Variants in CASK observed in about 807,000 individuals in gnomAD.
The protein encoded by CASK is calcium/calmodulin dependent serine protein kinase, also known as peripheral plasma membrane protein CASK.
A neutral mutation model predicts 82.9 loss-of-function variants in CASK; 4 were observed. The ratio of observed to expected loss-of-function variants is 0.05; its 90% CI spans 0.02 to 0.11. The LOEUF is 0.11. Among genes scored for constraint, CASK ranks in the 10% least tolerant of loss-of-function variants. The probability of loss-of-function intolerance (pLI) is 1.00; values close to 1 mark genes in which losing one functional copy is unlikely to be tolerated. For synonymous variants in CASK, 259 were observed against 253.5 expected, an observed-to-expected ratio of 1.02 and a Z score of -0.20; for missense variants, 358 against 720.9, an observed-to-expected ratio of 0.50 and a Z score of 5.76.
intron 1 of CASK, among the ~76,000 whole-genome samples, chrX:41,868,202 A>G (rs911551902): frequency 7.2e-5 from 8 of 111,828 alleles, no homozygotes; most frequent in Non-Finnish European, 1.3e-4. Context: ...TGCAATTACT[A>G]TGCCCTGTCC....
chrX:41,550,834 C>A (rs949641382), intron 21 of CASK, among the ~76,000 whole-genome samples: 1 of 111,124 alleles, frequency 9.0e-6, no homozygotes, highest in Non-Finnish European at 1.9e-5. Context: ...TTGCTTGGGT[C>A]CAGGAGGTCG....
intron 1 of CASK, among the ~76,000 whole-genome samples, chrX:41,891,046 C>T (rs1415237381): frequency 9.2e-6 from 1 of 108,577 alleles, no homozygotes; most frequent in African/African-American, 3.4e-5. Flanking sequence ...TGCCACCACA[C>T]CCAGCTATTT....
chrX:41,645,501 C>T (rs1282744969), intron 8 of CASK, among the ~76,000 whole-genome samples: 1 of 111,084 alleles, frequency 9.0e-6, no homozygotes, highest in African/African-American at 3.3e-5. Context: ...CAGGTGAATA[C>T]TGACAATCAA....
chrX:41,922,482 A>G (rs1450662941), intron 1 of CASK, among the ~76,000 whole-genome samples: 1 of 112,109 alleles, frequency 8.9e-6, no homozygotes, highest in Non-Finnish European at 1.9e-5. Context: ...ACACAAAGGC[A>G]TCTGTCTAAT....
At chrX:41,556,776 G>T (rs2065164488) in intron 19 of CASK, among the ~76,000 whole-genome samples, 1 of 112,101 alleles carries the variant, frequency 8.9e-6, no homozygotes, top group South Asian at 3.7e-4. Context: ...ATACAAATGG[G>T]GTGGCATAGA....
chrX:41,713,328 T>C (rs893348194), intron 5 of CASK, among the ~76,000 whole-genome samples: 20 of 112,172 alleles, frequency 1.8e-4, no homozygotes, highest in African/African-American at 6.5e-4. Context: ...TATTGAACAA[T>C]CACAGATGGA....
chrX:41,553,527 C>A (rs1009575510), intron 21 of CASK, among the ~76,000 whole-genome samples, 192 bp downstream of exon 21: 3 of 111,322 alleles, frequency 2.7e-5, no homozygotes, highest in African/African-American at 9.8e-5. Context: ...GAAGCCCTGA[C>A]TCTGCAACTA....
chrX:41,623,787 C>T (rs1326353945), intron 10 of CASK, among the ~76,000 whole-genome samples: 1 of 111,595 alleles, frequency 9.0e-6, no homozygotes, highest in African/African-American at 3.3e-5. Flanking sequence ...CGGCTTACTG[C>T]AGCCTTGACC....
chrX:41,902,663 G>A (rs1288591702), intron 1 of CASK, among the ~76,000 whole-genome samples: 4 of 112,070 alleles, frequency 3.6e-5, no homozygotes, highest in African/African-American at 1.3e-4. Context: ...ACTACATGTA[G>A]TCTCAAAATT....
chrX:41,527,271 G>A (rs749576568), intron 25 of CASK, among the ~76,000 whole-genome samples: 11 of 110,408 alleles, frequency 1.0e-4, no homozygotes, highest in Non-Finnish European at 1.7e-4. Flanking sequence ...GTGTGTGTGT[G>A]TAGAGAGAGA....
chrX:41,553,406 A>C (rs1197240363), intron 21 of CASK, among the ~76,000 whole-genome samples: 1 of 111,169 alleles, frequency 9.0e-6, no homozygotes, highest in Non-Finnish European at 1.9e-5. Context: ...TGCCATTCTA[A>C]AACAATTATA....
chrX:41,714,355 T>C (rs1307405547), intron 5 of CASK, among the ~76,000 whole-genome samples: 2 of 111,722 alleles, frequency 1.8e-5, no homozygotes, highest in Non-Finnish European at 1.9e-5. Context: ...AAAGTAAGCA[T>C]TGAGAAAATT....
chrX:41,574,953 C>T (rs1239386404), intron 15 of CASK, among the ~76,000 whole-genome samples: 1 of 112,256 alleles, frequency 8.9e-6, no homozygotes, highest in Non-Finnish European at 1.9e-5. Flanking sequence ...ACTGGTTTAT[C>T]AAAATGTTTC....
chrX:41,749,939 A>G (rs1318371611), intron 3 of CASK, among the ~76,000 whole-genome samples: 4 of 110,511 alleles, frequency 3.6e-5, no homozygotes, highest in African/African-American at 6.6e-5. Flanking sequence ...TTCCCTGTAC[A>G]TGTTATATTT....
chrX:41,538,036 G>C (rs1371879275), intron 22 of CASK, among the ~76,000 whole-genome samples: 1 of 109,738 alleles, frequency 9.1e-6, no homozygotes, highest in African/African-American at 3.3e-5. Flanking sequence ...AGTAGAGATG[G>C]GGTTTTGCCA....
intron 8 of CASK, among the ~76,000 whole-genome samples, chrX:41,653,961 C>T (rs1326532326): frequency 8.9e-6 from 1 of 111,953 alleles, no homozygotes; most frequent in Non-Finnish European, 1.9e-5. Context: ...ACTGTAAGGT[C>T]TGTACACCCT....
intron 2 of CASK, among the ~76,000 whole-genome samples, chrX:41,824,379 A>C (rs1179027081): frequency 8.9e-6 from 1 of 111,871 alleles, no homozygotes; most frequent in Non-Finnish European, 1.9e-5. Flanking sequence ...CTGGAGATTG[A>C]CTGTGAATAT....
At chrX:41,661,809 C>T (rs1228881458) in intron 7 of CASK, among the ~76,000 whole-genome samples, 2 of 110,370 alleles carry the variant, frequency 1.8e-5, no homozygotes, top group Middle Eastern at 4.7e-3. Flanking sequence ...TAATCCCACA[C>T]TTTGGGAGGG....
chrX:41,750,252 G>A (rs1216222338), intron 3 of CASK, among the ~76,000 whole-genome samples: 4 of 112,022 alleles, frequency 3.6e-5, no homozygotes, highest in Admixed American at 9.5e-5. Context: ...TTTATTCAAC[G>A]AAATTTAAAA....
Sources: allele counts gnomAD v4.1 joint callset (sites outside exome capture counted in the v4.1 genomes callset), GRCh38; gene constraint gnomAD v4.1.1; transcripts MANE v1.5; gene names NCBI Gene and HGNC (gene_info 2026-07-23, HGNC 2026-07-21).